The following WASF3 variants were observed in gnomAD, a reference collection of about 807,000 sequenced individuals.
WASF3 encodes WASP family member 3, also known as actin-binding protein WASF3.
In WASF3, 11 loss-of-function variants were observed where a neutral mutation model predicts 46.6. The observed-to-expected ratio is 0.24, with a 90% CI of 0.15 to 0.39. The LOEUF (loss-of-function observed/expected upper bound fraction) is 0.39. Among genes scored for constraint, WASF3 ranks in the 10% least tolerant of loss-of-function variants. The pLI is 1.00. For missense variants in WASF3, 576 were observed against 669.8 expected (o/e 0.86, Z 1.55); for synonymous variants, 242 against 259.7 (o/e 0.93, Z 0.65).
In WASF3 at chr13:26,582,855, C is replaced by G. The variant is rs144969518; in HGVS notation, c.-109+25036C>G. Among the ~76,000 whole-genome samples the G allele has an allele frequency of 5.6e-3, 852 of 152,076 alleles. 3 individuals are homozygous for G. The highest frequency in any genetic ancestry group is 9.0e-3 in the Non-Finnish European group (609 of 67,996). On this transcript the variant is annotated intron_variant, in intron 1 of 9. Coordinates refer to ENST00000335327, the MANE Select transcript of WASF3 (RefSeq NM_006646.6). ...GAAAATCCCTAAGAAACCTTCAGAT[C>G]TGTATGTGTGTTCTGAGACCATACC...
intron 2 of WASF3, chr13:26,640,889 A>G (rs1335680868): frequency 6.6e-6 from 1 of 152,110 alleles, no homozygotes; most frequent in African/African-American, 2.4e-5. Context: ...CAGCAGGGGA[A>G]AGCCTCCCTC....
intron 7 of WASF3, among the ~76,000 whole-genome samples, chr13:26,678,018 T>C (rs1883116548): frequency 6.6e-6 from 1 of 152,208 alleles, no homozygotes; most frequent in East Asian, 1.9e-4. Flanking sequence ...GATTATTCCA[T>C]GTTGGATATA....
chr13:26,587,898 C>T (rs1211604734), intron 1 of WASF3, among the ~76,000 whole-genome samples: 4 of 151,920 alleles, frequency 2.6e-5, no homozygotes, highest in Non-Finnish European at 4.4e-5. Flanking sequence ...TTTTTTGTCT[C>T]TTTTGGAAAG....
At chr13:26,660,194 G>GTTTTTTTTTTTTTTTTTTTTTTTTTT (rs71080285) in intron 3 of WASF3, among the ~76,000 whole-genome samples, 1 of 43,376 alleles carries the variant, frequency 2.3e-5, no homozygotes, top group African/African-American at 7.4e-5. Context: ...TTTTTGTTTG[G>GTTTTTTTTTTTTTTTTTTTTTTTTTT]TTTTTTTTTT....
the WASF3 span, among the ~76,000 whole-genome samples, chr13:26,549,299 C>A: frequency 1.3e-5 from 2 of 152,096 alleles, no homozygotes; most frequent in Admixed American, 6.6e-5. Flanking sequence ...ACATTTTTTT[C>A]TTGACTCATG....
chr13:26,575,995 T>C (rs552234812), intron 1 of WASF3, among the ~76,000 whole-genome samples: 2 of 152,262 alleles, frequency 1.3e-5, no homozygotes, highest in South Asian at 4.1e-4. Context: ...AGGAAGTTTT[T>C]TTAGAGTATT....
intron 1 of WASF3, among the ~76,000 whole-genome samples, chr13:26,573,871 T>C (rs564873013): frequency 7.2e-5 from 11 of 152,290 alleles, no homozygotes; most frequent in Admixed American, 5.2e-4. Context: ...ACTTCTAATA[T>C]TGAGTTTTGT....
chr13:26,548,290 A>G, the WASF3 span, among the ~76,000 whole-genome samples: 1 of 152,112 alleles, frequency 6.6e-6, no homozygotes, highest in South Asian at 2.1e-4. Context: ...AGAAGCTTGA[A>G]ACCTTGAAAT....
chr13:26,585,733 A>G (rs956457979), intron 1 of WASF3, among the ~76,000 whole-genome samples: 2 of 152,000 alleles, frequency 1.3e-5, no homozygotes, highest in Non-Finnish European at 2.9e-5. Context: ...TAGAAAAACC[A>G]TATAATGGTC....
chr13:26,656,526 C>A (rs1882471268), intron 3 of WASF3, among the ~76,000 whole-genome samples: 1 of 152,182 alleles, frequency 6.6e-6, no homozygotes, highest in South Asian at 2.1e-4. Flanking sequence ...TACTAACAAT[C>A]TGGCCAGCCT....
intron 3 of WASF3, among the ~76,000 whole-genome samples, chr13:26,656,186 A>G (rs900804879): frequency 1.3e-5 from 2 of 152,206 alleles, no homozygotes; most frequent in African/African-American, 4.8e-5. Context: ...TGCTTTGGCA[A>G]TTTAGAGGTG....
the WASF3 span, among the ~76,000 whole-genome samples, chr13:26,547,240 C>T: frequency 6.6e-6 from 1 of 152,050 alleles, no homozygotes; most frequent in Non-Finnish European, 1.5e-5. Context: ...TAATTTGTAA[C>T]CCTGTTTTAT....
chr13:26,631,223 C>CA, intron 2 of WASF3, among the ~76,000 whole-genome samples: 1 of 152,172 alleles, frequency 6.6e-6, no homozygotes, highest in Middle Eastern at 3.4e-3. Flanking sequence ...CACAGGGACT[C>CA]ATGGAGTCCT....
At chr13:26,680,971 T>C (rs138777499) in intron 7 of WASF3, 83 bp from the exon 8 acceptor site, 1 of 1,496,998 alleles carries the variant, frequency 6.7e-7, no homozygotes, top group Non-Finnish European at 9.1e-7. Flanking sequence ...GCAATGTTAT[T>C]ATTCAAATAC....
At chr13:26,619,624 G>A (rs1881244490) in intron 2 of WASF3, 1 of 151,748 alleles carries the variant, frequency 6.6e-6, no homozygotes, top group Admixed American at 6.6e-5. Context: ...AAGATAGGGG[G>A]TCTGAAGCTT....
chr13:26,665,693 C>A (rs1299727846), intron 4 of WASF3, among the ~76,000 whole-genome samples: 1 of 152,154 alleles, frequency 6.6e-6, no homozygotes, highest in Non-Finnish European at 1.5e-5. Context: ...TTAATGTCGA[C>A]AAGCATTGTA....
At chr13:26,566,146 G>T (rs185186370) in intron 1 of WASF3, among the ~76,000 whole-genome samples, 245 of 152,262 alleles carry the variant, frequency 1.6e-3, no homozygotes, top group African/African-American at 5.6e-3. Context: ...ATATTGCCCT[G>T]CATTTTAATA....
chr13:26,577,334 T>C (rs748365378), intron 1 of WASF3: 18 of 759,730 alleles, frequency 2.4e-5, no homozygotes, highest in South Asian at 6.8e-5. Flanking sequence ...CAATCCGATA[T>C]GGAAAACCTT....
intron 1 of WASF3, among the ~76,000 whole-genome samples, chr13:26,587,873 A>G (rs1435254563): frequency 6.6e-6 from 1 of 152,170 alleles, no homozygotes; most frequent in African/African-American, 2.4e-5. Flanking sequence ...TTTTAAAATG[A>G]AGAGACCAAA....
Sources: gnomAD v4.1 joint callset for allele counts (sites outside exome capture counted in the v4.1 genomes callset) on GRCh38, gnomAD v4.1.1 for gene constraint, MANE v1.5 for transcripts, NCBI Gene and HGNC (gene_info 2026-07-23, HGNC 2026-07-21) for gene names.